SHISA6: variants seen among roughly 807,000 people sequenced by gnomAD.
The protein encoded by SHISA6 is shisa family member 6.
In SHISA6, 22 loss-of-function variants were observed where a neutral mutation model predicts 47.9. The observed-to-expected ratio is 0.46, with a 90% confidence interval of 0.33 to 0.66. The LOEUF (loss-of-function observed/expected upper bound fraction) is 0.66. Ranked by LOEUF, SHISA6 falls within the 30% of genes least tolerant of loss-of-function variation. The probability of loss-of-function intolerance (pLI) is 0.02; values close to 1 mark genes in which losing one functional copy is unlikely to be tolerated. For synonymous variants in SHISA6, 388 were observed against 337.8 expected, an observed-to-expected ratio of 1.15 and a Z score of -1.63; for missense variants, 680 against 764.6, an observed-to-expected ratio of 0.89 and a Z score of 1.30.
chr17:11,556,946 C>T (rs1306290588), intron 5 of SHISA6, among the ~76,000 whole-genome samples: 1 of 152,120 alleles, frequency 6.6e-6, no homozygotes, highest in Non-Finnish European at 1.5e-5. Flanking sequence ...ATGCAAGTTC[C>T]AGGCAAATTC....
chr17:11,447,543 C>T (rs1915269249), intron 3 of SHISA6, among the ~76,000 whole-genome samples: 1 of 152,200 alleles, frequency 6.6e-6, no homozygotes, highest in Non-Finnish European at 1.5e-5. Flanking sequence ...GCTCGCCTTA[C>T]TTCAGCCTCC....
At chr17:11,242,154 C>G in intron 1 of SHISA6, 94 bp downstream of exon 1, 1 of 1,463,926 alleles carries the variant, frequency 6.8e-7, no homozygotes, top group Non-Finnish European at 9.2e-7. Context: ...CATCATCACA[C>G]CTCCCCAGGC....
At chr17:11,478,563 T>TA (rs1916129526) in intron 3 of SHISA6, among the ~76,000 whole-genome samples, 1 of 64,514 alleles carries the variant, frequency 1.6e-5, no homozygotes, top group African/African-American at 5.6e-5. Context: ...GGTCTAACGT[T>TA]TAAGTCTTTA....
chr17:11,277,441 G>A (rs776548640), intron 2 of SHISA6, among the ~76,000 whole-genome samples: 1 of 152,120 alleles, frequency 6.6e-6, no homozygotes, highest in African/African-American at 2.4e-5. Context: ...AGTGCCTTGA[G>A]TACAGGGATA....
At chr17:11,429,860 G>GA (rs35447521) in intron 3 of SHISA6, among the ~76,000 whole-genome samples, 20,910 of 136,100 alleles carry the variant, frequency 0.15, 1,489 homozygotes, top group Non-Finnish European at 0.17. Context: ...CATAGGAATT[G>GA]AAAAAAAAAA....
intron 3 of SHISA6, among the ~76,000 whole-genome samples, chr17:11,443,253 G>A (rs1395955835): frequency 1.3e-5 from 2 of 152,164 alleles, no homozygotes; most frequent in African/African-American, 4.8e-5. Context: ...AACATAAAGT[G>A]TATGAGTAGG....
At chr17:11,382,214 A>G (rs757549014) in intron 3 of SHISA6, among the ~76,000 whole-genome samples, 1 of 152,050 alleles carries the variant, frequency 6.6e-6, no homozygotes, top group Non-Finnish European at 1.5e-5. Context: ...CTGGGACTAC[A>G]GGCGCATGCT....
chr17:11,515,883 T>G (rs1475736058), intron 3 of SHISA6, among the ~76,000 whole-genome samples: 1 of 152,146 alleles, frequency 6.6e-6, no homozygotes. Flanking sequence ...TCCTTCAAGT[T>G]GTCACAATGC....
chr17:11,243,109 C>CA (rs1035080611), intron 1 of SHISA6, among the ~76,000 whole-genome samples: 26 of 151,792 alleles, frequency 1.7e-4, no homozygotes, highest in African/African-American at 6.3e-4. Context: ...GAGCACCCCC[C>CA]AGACCACTGC....
At chr17:11,285,278 A>T (rs1446347153) in intron 2 of SHISA6, among the ~76,000 whole-genome samples, 1 of 152,190 alleles carries the variant, frequency 6.6e-6, no homozygotes, top group Non-Finnish European at 1.5e-5. Flanking sequence ...TGTCAGACAG[A>T]CAGGGATGGA....
At chr17:11,327,967 TAC>T (rs558438609) in intron 2 of SHISA6, among the ~76,000 whole-genome samples, 3 of 152,028 alleles carry the variant, frequency 2.0e-5, no homozygotes, top group Non-Finnish European at 2.9e-5. Flanking sequence ...CTCTCATAGA[TAC>T]ACACACACAG....
chr17:11,319,419 A>G lies in SHISA6; in HGVS notation c.799+55893A>G, dbSNP rs144666628. Reference sequence around the variant, plus strand: ...AAGAGGGTATGGTTGTGTCTGGTGTAATAGTCTCTCAAAGGTCTCTGAGAA... The same window carrying G: ...AAGAGGGTATGGTTGTGTCTGGTGTGATAGTCTCTCAAAGGTCTCTGAGAA... On this transcript the variant is annotated intron_variant, in intron 2 of 5. Coordinates refer to ENST00000441885, the MANE Select transcript of SHISA6 (RefSeq NM_207386.4). Among the ~76,000 whole-genome samples the G allele has an allele frequency of 6.1e-3, 928 of 152,258 alleles. 9 individuals are homozygous for G. The highest frequency in any genetic ancestry group is 0.021 in the African/African-American group (880 of 41,544).
At chr17:11,480,744 A>AT (rs1284999389) in intron 3 of SHISA6, among the ~76,000 whole-genome samples, 1 of 152,210 alleles carries the variant, frequency 6.6e-6, no homozygotes, top group Admixed American at 6.5e-5. Flanking sequence ...CTCTGTGATG[A>AT]TTAAGCTAGT....
intron 3 of SHISA6, among the ~76,000 whole-genome samples, chr17:11,518,171 A>T (rs916249038): frequency 6.6e-6 from 1 of 152,096 alleles, no homozygotes. Flanking sequence ...GCCATTTTGC[A>T]TTAACTGTAA....
At chr17:11,535,168 T>A (rs1301954073) in intron 3 of SHISA6, among the ~76,000 whole-genome samples, 4 of 151,784 alleles carry the variant, frequency 2.6e-5, no homozygotes, top group Non-Finnish European at 4.4e-5. Context: ...AAAAGAAGGC[T>A]ATGGTGCAGG....
At chr17:11,375,713 G>A (rs1008556521) in intron 2 of SHISA6, among the ~76,000 whole-genome samples, 23 of 152,152 alleles carry the variant, frequency 1.5e-4, no homozygotes, top group African/African-American at 5.5e-4. Flanking sequence ...CGTTGGTGCT[G>A]TCTCTAGGAC....
chr17:11,321,670 G>T (rs533404704), intron 2 of SHISA6, among the ~76,000 whole-genome samples: 1 of 152,058 alleles, frequency 6.6e-6, no homozygotes, highest in South Asian at 2.1e-4. Context: ...TGGTCCCTCC[G>T]TTTTTTGTTT....
intron 2 of SHISA6, among the ~76,000 whole-genome samples, chr17:11,317,133 G>A (rs1396544567): frequency 6.6e-6 from 1 of 151,730 alleles, no homozygotes; most frequent in East Asian, 1.9e-4. Flanking sequence ...ACCTGTTTTT[G>A]TGTATAATTT....
intron 3 of SHISA6, among the ~76,000 whole-genome samples, chr17:11,387,420 C>G (rs1169009506): frequency 6.6e-6 from 1 of 152,112 alleles, no homozygotes; most frequent in Admixed American, 6.6e-5. Context: ...AGAGGTGCCC[C>G]CTTGACTGTG....
Sources: gnomAD v4.1 joint callset for allele counts (sites outside exome capture counted in the v4.1 genomes callset) on GRCh38, gnomAD v4.1.1 for gene constraint, MANE v1.5 for transcripts, NCBI Gene and HGNC (gene_info 2026-07-23, HGNC 2026-07-21) for gene names.